PCDH15: variants seen among roughly 807,000 people sequenced by gnomAD.
PCDH15 encodes the protein protocadherin related 15, also known as protocadherin-15.
PCDH15 carries 129 observed loss-of-function variants against 178.5 expected under a neutral mutation model. The ratio of observed to expected loss-of-function variants is 0.72; its 90% CI spans 0.63 to 0.84. The LOEUF (loss-of-function observed/expected upper bound fraction) is 0.84. Ranked by LOEUF, PCDH15 falls within the 40% of genes least tolerant of loss-of-function variation. PCDH15 has a pLI of 0.00. For synonymous variants in PCDH15, 800 were observed against 732.0 expected (o/e 1.09, Z -1.50); for missense variants, 2,230 against 2,099.9 (o/e 1.06, Z -1.21).
intron 2 of PCDH15, among the ~76,000 whole-genome samples, chr10:55,381,622 G>A (rs1837535970): frequency 6.6e-6 from 1 of 152,038 alleles, no homozygotes; most frequent in Non-Finnish European, 1.5e-5. Context: ...GAAGGTACAA[G>A]CCTGACTGAA....
At chr10:55,460,171 A>C (rs1839642956) in intron 2 of PCDH15, among the ~76,000 whole-genome samples, 1 of 151,844 alleles carries the variant, frequency 6.6e-6, no homozygotes, top group Non-Finnish European at 1.5e-5. Context: ...GTTTCTAAAA[A>C]TAATGATGTA....
At chr10:55,192,256 CT>C (rs1839962438) in intron 1 of PCDH15, among the ~76,000 whole-genome samples, 1 of 151,702 alleles carries the variant, frequency 6.6e-6, no homozygotes, top group South Asian at 2.1e-4. Context: ...ACCAAAACCA[CT>C]GGGGGGTTAT....
intron 2 of PCDH15, among the ~76,000 whole-genome samples, chr10:55,368,161 T>C (rs1845412862): frequency 6.6e-6 from 1 of 152,122 alleles, no homozygotes; most frequent in African/African-American, 2.4e-5. Context: ...ATTCTCATTC[T>C]CTCTCACTCT....
intron 2 of PCDH15, among the ~76,000 whole-genome samples, chr10:55,119,470 C>T (rs187865203): frequency 2.0e-4 from 30 of 150,646 alleles, no homozygotes; most frequent in African/African-American, 2.5e-4. Context: ...ACTACTGAGA[C>T]GAGGAAGTTA....
At chr10:54,793,132 C>A (rs766768671) in intron 1 of PCDH15, among the ~76,000 whole-genome samples, 1 of 151,900 alleles carries the variant, frequency 6.6e-6, no homozygotes, top group African/African-American at 2.4e-5. Flanking sequence ...GGGAACTGAA[C>A]CTTCATCCCC....
chr10:54,973,081 G>A (rs1443284657), intron 2 of PCDH15, among the ~76,000 whole-genome samples: 1 of 151,878 alleles, frequency 6.6e-6, no homozygotes, highest in East Asian at 1.9e-4. Context: ...AAAATATAGA[G>A]AATACAAAAA....
intron 3 of PCDH15, among the ~76,000 whole-genome samples, chr10:54,872,479 A>C (rs1564589675): frequency 1.3e-5 from 2 of 152,138 alleles, no homozygotes; most frequent in African/African-American, 4.8e-5. Context: ...ATACTGATAC[A>C]TTTTTATATG....
intron 3 of PCDH15, among the ~76,000 whole-genome samples, chr10:54,842,508 A>G (rs2133762596): frequency 6.6e-6 from 1 of 152,016 alleles, no homozygotes; most frequent in South Asian, 2.1e-4. Flanking sequence ...GAAATCATCT[A>G]AGGTTCTAAT....
At chr10:54,252,628 T>C (rs893308640) in intron 8 of PCDH15, among the ~76,000 whole-genome samples, 2 of 152,154 alleles carry the variant, frequency 1.3e-5, no homozygotes, top group Non-Finnish European at 2.9e-5. Context: ...TCTTCAAAAC[T>C]CTTCTCCACA....
intron 2 of PCDH15, among the ~76,000 whole-genome samples, chr10:54,595,980 T>C (rs1262350963): frequency 1.3e-5 from 2 of 152,000 alleles, no homozygotes; most frequent in Admixed American, 6.6e-5. Context: ...AAGAGACCAA[T>C]ATTATGACTC....
At chr10:53,883,085 A>G (rs1388120839) in intron 26 of PCDH15, among the ~76,000 whole-genome samples, 1 of 152,142 alleles carries the variant, frequency 6.6e-6, no homozygotes, top group Non-Finnish European at 1.5e-5. Context: ...ATAGGATATT[A>G]TGATCCTAGT....
intron 28 of PCDH15, among the ~76,000 whole-genome samples, chr10:53,848,086 G>T (rs1229279027): frequency 1.3e-5 from 2 of 152,026 alleles, no homozygotes; most frequent in East Asian, 1.9e-4. Context: ...ATAAATTGAA[G>T]AAAGTATAGA....
At chr10:54,824,389 G>T (rs566819415) in intron 3 of PCDH15, among the ~76,000 whole-genome samples, 2 of 152,138 alleles carry the variant, frequency 1.3e-5, no homozygotes, top group South Asian at 2.1e-4. Context: ...CTGTGGAAAA[G>T]ATGTCAGGCA....
intron 2 of PCDH15, among the ~76,000 whole-genome samples, chr10:55,519,558 G>A (rs1304337751): frequency 6.6e-6 from 1 of 151,892 alleles, no homozygotes; most frequent in Non-Finnish European, 1.5e-5. Flanking sequence ...ATGTTACTAT[G>A]GCGAAAACTG....
intron 2 of PCDH15, among the ~76,000 whole-genome samples, chr10:55,537,680 C>A (rs988112547): frequency 6.6e-6 from 1 of 152,068 alleles, no homozygotes; most frequent in Non-Finnish European, 1.5e-5. Flanking sequence ...ATGATCCACC[C>A]CCGTCGGCCT....
intron 1 of PCDH15, among the ~76,000 whole-genome samples, chr10:55,257,916 A>C (rs909109390): frequency 2.6e-5 from 4 of 152,172 alleles, no homozygotes; most frequent in African/African-American, 9.7e-5. Context: ...CAAGACACAT[A>C]ATTGTCAGAT....
chr10:55,468,229 C>T (rs541954281), intron 2 of PCDH15: 4 of 152,098 alleles, frequency 2.6e-5, no homozygotes, highest in African/African-American at 9.6e-5. Flanking sequence ...TAGAAAGTTG[C>T]CCAACTTTTA....
intron 1 of PCDH15, among the ~76,000 whole-genome samples, chr10:54,671,397 A>G (rs775219026): frequency 2.0e-5 from 3 of 152,192 alleles, no homozygotes; most frequent in Non-Finnish European, 4.4e-5. Flanking sequence ...GTCAACAGAG[A>G]CTAAACGTAA....
intron 1 of PCDH15, among the ~76,000 whole-genome samples, chr10:55,261,463 G>A (rs2132235369): frequency 6.6e-6 from 1 of 152,240 alleles, no homozygotes; most frequent in East Asian, 1.9e-4. Flanking sequence ...TGTCTCAGGT[G>A]AACGCCTGCT....
Sources: allele counts gnomAD v4.1 joint callset (sites outside exome capture counted in the v4.1 genomes callset), GRCh38; gene constraint gnomAD v4.1.1; transcripts MANE v1.5; gene names NCBI Gene and HGNC (gene_info 2026-07-23, HGNC 2026-07-21).